Variants in RBFOX1 observed in about 807,000 individuals in gnomAD.
RBFOX1 encodes the protein RNA binding protein fox-1 homolog 1.
Under a neutral mutation model 57.7 loss-of-function variants are expected in RBFOX1, and 8 were observed. The ratio of observed to expected loss-of-function variants is 0.14; its 90% confidence interval spans 0.08 to 0.25. The LOEUF (loss-of-function observed/expected upper bound fraction) is 0.25, where lower values mean the gene tolerates loss of function less well. Ranked by LOEUF, RBFOX1 falls within the 10% of genes least tolerant of loss-of-function variation. The pLI, the probability that RBFOX1 is intolerant of heterozygous loss-of-function variation, is 1.00. For synonymous variants in RBFOX1, 326 were observed against 222.4 expected (o/e 1.47, Z -4.15); for missense variants, 611 against 548.5 (o/e 1.11, Z -1.14).
At chr16:6,829,625 G>A (rs763167138) in intron 3 of RBFOX1, among the ~76,000 whole-genome samples, 9 of 151,482 alleles carry the variant, frequency 5.9e-5, no homozygotes, top group East Asian at 1.9e-4. Context: ...TTTTTAAGAC[G>A]GAGTCTCGCT....
chr16:5,843,576 T>G (rs143975001), intron 3 of RBFOX1, among the ~76,000 whole-genome samples: 9 of 152,328 alleles, frequency 5.9e-5, no homozygotes, highest in African/African-American at 2.2e-4. Context: ...GTCGATTTCA[T>G]GTCTTTGTTA....
intron 2 of RBFOX1, among the ~76,000 whole-genome samples, chr16:6,388,610 C>G (rs898334120): frequency 1.3e-5 from 2 of 152,020 alleles, no homozygotes; most frequent in African/African-American, 2.4e-5. Flanking sequence ...CACAGTGGTT[C>G]CCACCAGTAA....
chr16:5,467,048 C>T (rs184709389), intron 1 of RBFOX1, among the ~76,000 whole-genome samples: 75 of 152,282 alleles, frequency 4.9e-4, no homozygotes, highest in Non-Finnish European at 8.8e-4. Context: ...ACAGAGCCTA[C>T]AACAGAGCCT....
intron 8 of RBFOX1, among the ~76,000 whole-genome samples, 165 bp downstream of exon 8, chr16:7,595,806 C>T (rs12935264): frequency 4.2e-4 from 62 of 148,062 alleles, no homozygotes; most frequent in Non-Finnish European, 6.0e-4. Flanking sequence ...ACTGGCCTTA[C>T]TTTTTTTTTT....
chr16:6,064,300 C>G (rs2095729858), intron 1 of RBFOX1, among the ~76,000 whole-genome samples: 1 of 152,162 alleles, frequency 6.6e-6, no homozygotes, highest in African/African-American at 2.4e-5. Flanking sequence ...TACAGTGGAT[C>G]TCTCTAAATG....
intron 3 of RBFOX1, among the ~76,000 whole-genome samples, chr16:6,836,296 A>G (rs2093089910): frequency 6.6e-6 from 1 of 152,172 alleles, no homozygotes; most frequent in South Asian, 2.1e-4. Context: ...ATAGTTAAGG[A>G]TTTTCAGCTC....
intron 4 of RBFOX1, among the ~76,000 whole-genome samples, chr16:5,977,716 G>T (rs2060093316): frequency 6.6e-6 from 1 of 152,076 alleles, no homozygotes; most frequent in Non-Finnish European, 1.5e-5. Context: ...AAAGTTAGAA[G>T]AGTGCTCCAA....
At chr16:7,117,891 G>C (rs921640384) in intron 4 of RBFOX1, among the ~76,000 whole-genome samples, 1 of 152,250 alleles carries the variant, frequency 6.6e-6, no homozygotes, top group African/African-American at 2.4e-5. Context: ...ATTCGTGGCT[G>C]CTTGCTTCTG....
intron 3 of RBFOX1, among the ~76,000 whole-genome samples, chr16:6,807,487 A>C (rs2087142823): frequency 6.6e-6 from 1 of 152,054 alleles, no homozygotes; most frequent in Non-Finnish European, 1.5e-5. Flanking sequence ...TGAGTTCTGC[A>C]CTCACTAATG....
chr16:5,490,500 G>A (rs147901197), intron 2 of RBFOX1, among the ~76,000 whole-genome samples: 132 of 152,304 alleles, frequency 8.7e-4, no homozygotes, highest in African/African-American at 3.0e-3. Flanking sequence ...GTTGCTATCC[G>A]GAGCCCTTTC....
chr16:5,922,523 T>C (rs2098081), intron 4 of RBFOX1, among the ~76,000 whole-genome samples: 57,226 of 151,926 alleles, frequency 0.38, 12,202 homozygotes, highest in African/African-American at 0.59. Context: ...AGGCACAGCA[T>C]GTACTTCTGA....
At chr16:6,882,576 G>A (rs80337033) in intron 3 of RBFOX1, among the ~76,000 whole-genome samples, 1 of 152,058 alleles carries the variant, frequency 6.6e-6, no homozygotes, top group South Asian at 2.1e-4. Flanking sequence ...AGCCTCGGTG[G>A]CAGAGTTAAA....
At chr16:7,059,804 G>A (rs570657665) in intron 4 of RBFOX1, among the ~76,000 whole-genome samples, 1 of 151,882 alleles carries the variant, frequency 6.6e-6, no homozygotes, top group East Asian at 1.9e-4. Flanking sequence ...TGTTCCCAGG[G>A]CTGCTTCTGC....
chr16:6,036,396 G>GT (rs398058056), intron 1 of RBFOX1, among the ~76,000 whole-genome samples: 24,488 of 148,186 alleles, frequency 0.17, 2,086 homozygotes, highest in East Asian at 0.38. Flanking sequence ...AATGTTTTGT[G>GT]TTTTTTTTTT....
chr16:7,622,254 T>G (rs1169692891), intron 10 of RBFOX1, among the ~76,000 whole-genome samples: 3 of 152,178 alleles, frequency 2.0e-5, no homozygotes, highest in African/African-American at 7.2e-5. Flanking sequence ...TTCTCTATGC[T>G]TCAATATCCT....
chr16:6,429,131 C>T (rs1412362644), intron 2 of RBFOX1, among the ~76,000 whole-genome samples: 2 of 152,190 alleles, frequency 1.3e-5, no homozygotes, highest in Non-Finnish European at 2.9e-5. Flanking sequence ...TGTGAAATGT[C>T]GTGGCTGCCT....
chr16:5,893,012 T>C lies in RBFOX1; in HGVS notation c.351+25677T>C, dbSNP rs188841210. On this transcript the variant is annotated intron_variant, in intron 4 of 19. Transcript: ENST00000641259. ...GAAACAAAAAATTTCTGGTGAGGAATAGGGTAATGGGGAACCTGAAGCTTT... is the reference window on the plus strand; with the variant it reads ...GAAACAAAAAATTTCTGGTGAGGAACAGGGTAATGGGGAACCTGAAGCTTT... 3.1e-4 allele frequency among the ~76,000 whole-genome samples: 47 copies of C among 152,296 alleles called. No homozygotes were observed. The East Asian group carries it at 6.6e-3, about 21-fold the overall frequency.
intron 3 of RBFOX1, among the ~76,000 whole-genome samples, chr16:5,749,198 C>A (rs1460763615): frequency 3.9e-5 from 6 of 152,070 alleles, no homozygotes; most frequent in Non-Finnish European, 8.8e-5. Flanking sequence ...TTGCCCCCAC[C>A]CCCTTTTGGT....
intron 1 of RBFOX1, among the ~76,000 whole-genome samples, chr16:5,389,323 C>A (rs139271164): frequency 0.012 from 1,886 of 152,294 alleles, 36 homozygotes; most frequent in African/African-American, 0.043. Context: ...GCATAACAGG[C>A]TTTTCGACCT....
Sources: allele counts gnomAD v4.1 joint callset (sites outside exome capture counted in the v4.1 genomes callset), GRCh38; gene constraint gnomAD v4.1.1; transcripts MANE v1.5; gene names NCBI Gene and HGNC (gene_info 2026-07-23, HGNC 2026-07-21).